The following ENO3 variants were observed in gnomAD, a reference collection of about 807,000 sequenced individuals.
ENO3 encodes the protein enolase 3, also known as beta-enolase.
Under a neutral mutation model 47.7 loss-of-function variants are expected in ENO3, and 46 were observed. The observed-to-expected ratio is 0.96, with a 90% confidence interval of 0.76 to 1.23. The LOEUF is 1.23. Among genes scored for constraint, ENO3 ranks in the 50% most tolerant of loss-of-function variants. The probability of loss-of-function intolerance (pLI) is 0.00; values close to 1 mark genes in which losing one functional copy is unlikely to be tolerated. For missense variants in ENO3, 575 were observed against 566.2 expected (o/e 1.02, Z -0.16); for synonymous variants, 223 against 225.9 (o/e 0.99, Z 0.11).
At position 4,952,856 on chromosome 17, in the gene ENO3, AAGAGAC is replaced by A; in HGVS notation, c.148_153del (p.Arg50_Asp51del). On this transcript the variant is annotated inframe_deletion, in exon 3 of 12. Coordinates refer to ENST00000519602, the MANE Select transcript of ENO3 (RefSeq NM_053013.4). ...CGGGTATCTATGAGGCTCTGGAACT[AAGAGAC>A]GGAGACAAAGGCCGCTACCTGGGGA... The A allele has an allele frequency of 6.2e-7, 1 of 1,612,718 alleles. No homozygotes were observed. Among genetic ancestry groups the A allele is most frequent in the Non-Finnish European group, 8.5e-7 (1 of 1,179,288 alleles).
rs376914643 is a variant in ENO3, at chr17:4,955,151, G to C, written c.521G>C (p.Gly174Ala). 4 of 1,614,122 alleles carry C rather than the reference G, an allele frequency of 2.5e-6. No individual in the cohort carries two copies. Among genetic ancestry groups the C allele is most frequent in the Non-Finnish European group, 3.4e-6 (4 of 1,180,048 alleles). Residue 174 changes from glycine to alanine, a missense_variant, in exon 7 of 12, where the codon GGA becomes GCA. Gly to Ala is a moderately conservative substitution (Grantham distance 60). Transcript: ENST00000519602. Reference sequence around the variant, plus strand: ...CAGGAGTTCATGATTCTGCCTGTGGGAGCCAGCTCCTTCAAGGAAGCCATG... The same window carrying C: ...CAGGAGTTCATGATTCTGCCTGTGGCAGCCAGCTCCTTCAAGGAAGCCATG... ...AMQEFMILPV[G>A]ASSFKEAMRI...
At position 4,957,023 on chromosome 17, in the gene ENO3, G is replaced by T; in HGVS notation, c.1281G>T (p.Lys427Asn). 1.2e-6 allele frequency: 2 copies of T among 1,614,202 alleles called. No individual in the cohort carries two copies. Among genetic ancestry groups the T allele is most frequent in the Non-Finnish European group, 1.7e-6 (2 of 1,180,036 alleles). ...LGDKAIFAGR[K>N]FRNPKAK ...ACAAGGCAATCTTTGCTGGACGCAA[G>T]TTCCGTAACCCGAAGGCCAAGTGAG... The change falls in exon 12 of 12, where the codon AAG becomes AAT. Residue 427 changes from lysine to asparagine, a missense_variant. By Grantham distance (94) the Lys-to-Asn change is moderately conservative. Transcript: ENST00000519602.
In ENO3 at chr17:4,957,004, C is replaced by T; in HGVS notation, c.1262C>T (p.Ala421Val). ...ATCGAGGAGGCTCTTGGGGACAAGG[C>T]AATCTTTGCTGGACGCAAGTTCCGT... is the stretch of plus-strand genomic sequence containing the variant. ...MRIEEALGDK[A>V]IFAGRKFRNP... is the part of the protein sequence containing the mutation. Residue 421 changes from alanine to valine, a missense_variant, in exon 12 of 12, where the codon GCA (alanine) becomes GTA (valine). Transcript: ENST00000519602. 6 of 1,614,222 alleles carry T rather than the reference C, an allele frequency of 3.7e-6. No individual in the cohort carries two copies. The highest frequency in any genetic ancestry group is 1.6e-4 in the Middle Eastern group (1 of 6,062).
chr17:4,955,465 C>A lies in ENO3; in HGVS notation c.726C>A (p.Ile242=). 3.1e-6 allele frequency: 5 copies of A among 1,614,208 alleles called. No homozygotes were observed. The highest frequency in any genetic ancestry group is 4.2e-6 in the Non-Finnish European group (5 of 1,180,040). The change falls in exon 8 of 12, where the codon ATC becomes ATA. Residue 242 remains isoleucine (I), a synonymous_variant. Coordinates refer to ENST00000519602, the MANE Select transcript of ENO3 (RefSeq NM_053013.4). ...CTGGTTACCCAGACAAGGTGGTGATCGGCATGGATGTGGCAGCATCTGAGT... is the reference window on the plus strand; with the variant it reads ...CTGGTTACCCAGACAAGGTGGTGATAGGCATGGATGTGGCAGCATCTGAGT... ...QAAGYPDKVV[I]GMDVAASEFY...
chr17:4,948,725 A>T (rs887908470), upstream of ENO3: 3 of 331,088 alleles, frequency 9.1e-6, no homozygotes, highest in Non-Finnish European at 1.1e-5. Context: ...GTTCGATGGA[A>T]AGCAATGCAG....
chr17:4,953,970 G>T, intron 6 of ENO3, 125 bp downstream of exon 6: 1 of 1,440,368 alleles, frequency 6.9e-7, no homozygotes, highest in East Asian at 2.4e-5. Context: ...TCCTGAAATT[G>T]AATCTCTCCT....
At chr17:4,953,620 C>G in intron 5 of ENO3, 92 bp from the exon 6 acceptor site, 7 of 1,605,718 alleles carry the variant, frequency 4.4e-6, no homozygotes, top group Non-Finnish European at 6.0e-6. Flanking sequence ...ATTCTTCATG[C>G]TCAGTGGTTT....
At position 4,952,662 on chromosome 17, in the gene ENO3, A is replaced by C. The variant is rs917542830; in HGVS notation, c.86-133A>C. The C allele has an allele frequency of 9.7e-6, 9 of 924,864 alleles. No individual in the cohort carries two copies. In the East Asian group the frequency reaches 2.4e-4, roughly 24 times the overall value. 57.3% of individuals were successfully genotyped at this position (924,864 alleles called of 1,614,324 possible). On this transcript the variant is annotated intron_variant, in intron 2 of 11. Transcript: ENST00000519602. ...TATTTTTAGCAGAGACGGTTTCGCC[A>C]TGTTAGCCAGGCTGGTCTTGAACTC...
rs768276167 is a variant in ENO3, at chr17:4,952,029, C to T, written c.85+115C>T. 12 of 1,153,996 alleles carry T rather than the reference C, an allele frequency of 1.0e-5. No homozygotes were observed. The East Asian group carries it at 3.0e-4, about 29-fold the overall frequency. The allele number at this position is 1,153,996 out of a possible 1,614,324, so 71.5% of individuals were successfully genotyped here. On this transcript the variant is annotated intron_variant, in intron 2 of 11. Transcript: ENST00000519602. ...CTCTCGGGTTCCCTTTCCCAGACTT[C>T]TTCCCAAGCCCCCTTCTTCCAACGT...
rs1412068522 is a variant in ENO3 at position 4,956,211 on chromosome 17, C to T, written c.1067+68C>T. On this transcript the variant is annotated intron_variant, in intron 9 of 11. Coordinates refer to ENST00000519602, the MANE Select transcript of ENO3 (RefSeq NM_053013.4). ...GCCCCAGCTCTGCCCACTCCAGCTA[C>T]AGTCTTACCCACCAACTCCAAGCTT... is the stretch of plus-strand genomic sequence containing the variant. The T allele has an allele frequency of 4.5e-6, 7 of 1,558,028 alleles. No individual in the cohort carries two copies. The African/African-American group carries it at 9.5e-5, about 21-fold the overall frequency.
upstream of ENO3, chr17:4,950,259 C>CGGTAAG (rs1971501123): frequency 6.6e-6 from 1 of 152,288 alleles, no homozygotes; most frequent in South Asian, 2.1e-4. Flanking sequence ...GTGGAGATCT[C>CGGTAAG]TACCGAGGGC....
chr17:4,956,803 A>G (rs374491415), intron 10 of ENO3, 28 bp from the exon 11 acceptor site: 2 of 1,613,804 alleles, frequency 1.2e-6, no homozygotes, highest in African/African-American at 2.7e-5. Flanking sequence ...GCCTCACCTA[A>G]CCCTCCAAAT....
In ENO3 at chr17:4,955,445, T is replaced by C; in HGVS notation, c.706T>C (p.Tyr236His). 1 of 1,614,246 alleles carries C rather than the reference T, an allele frequency of 6.2e-7. No homozygotes were observed. The highest frequency in any genetic ancestry group is 8.5e-7 in the Non-Finnish European group (1 of 1,180,044). Residue 236 changes from tyrosine (Y) to histidine (H), a missense_variant, in exon 8 of 12, where the codon TAC becomes CAC. Physicochemically the swap from Tyr to His is moderately conservative, Grantham distance 83 (BLOSUM62 2). Transcript: ENST00000519602. The part of the protein sequence containing the change: ...LLKTAIQAAG[Y>H]PDKVVIGMDV... Reference sequence around the variant, plus strand: ...GAAGACGGCCATCCAGGCGGCTGGTTACCCAGACAAGGTGGTGATCGGCAT... The same window carrying C: ...GAAGACGGCCATCCAGGCGGCTGGTCACCCAGACAAGGTGGTGATCGGCAT...
chr17:4,953,568 T>A, intron 5 of ENO3, 144 bp from the exon 6 acceptor site: 1 of 1,514,970 alleles, frequency 6.6e-7, no homozygotes, highest in Non-Finnish European at 9.1e-7. Flanking sequence ...GGGTGGGGGT[T>A]CCCAGGGCTA....
At chr17:4,949,357 C>G (rs1425404742), upstream of ENO3, 1 of 152,446 alleles carries the variant, frequency 6.6e-6, no homozygotes, top group Non-Finnish European at 1.5e-5. Flanking sequence ...CGGCTCTAGC[C>G]CAGGGCCTCA....
intron 8 of ENO3, 109 bp downstream of exon 8, chr17:4,955,713 G>A (rs1971703550): frequency 1.3e-6 from 2 of 1,519,924 alleles, no homozygotes. Context: ...CCAATTCTTA[G>A]CCCCATTAAA....
intron 5 of ENO3, 29 bp from the exon 6 acceptor site, chr17:4,953,683 A>G: frequency 6.2e-7 from 1 of 1,614,172 alleles, no homozygotes; most frequent in Non-Finnish European, 8.5e-7. Flanking sequence ...AGAAGCTCTC[A>G]TCCTTTCTTC....
At position 4,955,617 on chromosome 17, in the gene ENO3, G is replaced by A. The variant is rs754910286; in HGVS notation, c.865+13G>A. 1.2e-6 allele frequency: 2 copies of A among 1,614,182 alleles called. No homozygotes were observed. The highest frequency in any genetic ancestry group is 2.2e-5 in the South Asian group (2 of 91,072). ...AAGAACTATCCTGGTGAGGCGTTCG[G>A]GTGTCCCAGTGTTCCTGCCCGAATC... On this transcript the variant is annotated intron_variant, in intron 8 of 11. Transcript: ENST00000519602.
intron 2 of ENO3, 144 bp downstream of exon 2, chr17:4,952,058 A>G (rs763394029): frequency 1.8e-5 from 16 of 882,314 alleles, no homozygotes; most frequent in Admixed American, 6.0e-5. Flanking sequence ...CCAACGTGGA[A>G]CCAGAGCTGG....
Sources: allele counts gnomAD v4.1 joint callset, GRCh38; gene constraint gnomAD v4.1.1; transcripts MANE v1.5; gene names NCBI Gene and HGNC (gene_info 2026-07-23, HGNC 2026-07-21).